SPRED2: variants seen among roughly 807,000 people sequenced by gnomAD.
The protein encoded by SPRED2 is sprouty related EVH1 domain containing 2.
SPRED2 carries 47 observed loss-of-function variants against 43.0 expected under a neutral mutation model. The ratio of observed to expected loss-of-function variants is 1.09; its 90% CI spans 0.87 to 1.40. The LOEUF (loss-of-function observed/expected upper bound fraction) is 1.40, where lower values mean the gene tolerates loss of function less well. Ranked by LOEUF, SPRED2 falls within the 40% of genes most tolerant of loss-of-function variation. The probability of loss-of-function intolerance (pLI) is 0.00; values close to 1 mark genes in which losing one functional copy is unlikely to be tolerated. For synonymous variants in SPRED2, 225 were observed against 225.7 expected, an observed-to-expected ratio of 1.00 and a Z score of 0.03; for missense variants, 561 against 586.4, an observed-to-expected ratio of 0.96 and a Z score of 0.45.
At chr2:65,318,018 C>G (rs577021934) in intron 4 of SPRED2, among the ~76,000 whole-genome samples, 2 of 152,198 alleles carry the variant, frequency 1.3e-5, no homozygotes, top group African/African-American at 4.8e-5. Flanking sequence ...TGTCCCCAAC[C>G]AAAACTCATC....
At chr2:65,413,305 G>A (rs181690578) in intron 1 of SPRED2, among the ~76,000 whole-genome samples, 167 of 152,212 alleles carry the variant, frequency 1.1e-3, no homozygotes, top group Non-Finnish European at 8.5e-4. Context: ...TTACCCTGAC[G>A]GTGGCCTCAA....
At chr2:65,428,904 C>T (rs917477000) in intron 1 of SPRED2, among the ~76,000 whole-genome samples, 9 of 152,146 alleles carry the variant, frequency 5.9e-5, no homozygotes, top group South Asian at 2.1e-4. Context: ...GCACAGAGGA[C>T]GACTTACAAT....
intron 1 of SPRED2, among the ~76,000 whole-genome samples, chr2:65,371,863 T>C (rs752450634): frequency 6.6e-6 from 1 of 151,658 alleles, no homozygotes; most frequent in African/African-American, 2.4e-5. Flanking sequence ...ATCATTTGAG[T>C]TCAGGAGTTT....
At chr2:65,342,147 A>ATATGTATATTTTATATACATATAT (rs1674202120) in intron 2 of SPRED2, among the ~76,000 whole-genome samples, 1 of 149,028 alleles carries the variant, frequency 6.7e-6, no homozygotes, top group Non-Finnish European at 1.5e-5. Context: ...ATAAGATTTT[A>ATATGTATATTTTATATACATATAT]TATGTATATT....
At chr2:65,324,469 A>C (rs1363454207) in intron 4 of SPRED2, among the ~76,000 whole-genome samples, 12 of 152,108 alleles carry the variant, frequency 7.9e-5, no homozygotes. Flanking sequence ...GAGAAACGAG[A>C]CTAACAGGGC....
chr2:65,428,251 ATAGG>A (rs1038332067), intron 1 of SPRED2, among the ~76,000 whole-genome samples: 22 of 152,220 alleles, frequency 1.4e-4, no homozygotes, highest in African/African-American at 5.3e-4. Flanking sequence ...GCTCCACAAA[ATAGG>A]TAGTGTCTAT....
At chr2:65,368,969 G>GA (rs988497448) in intron 1 of SPRED2, among the ~76,000 whole-genome samples, 20 of 152,124 alleles carry the variant, frequency 1.3e-4, no homozygotes, top group African/African-American at 3.6e-4. Context: ...CAGCTACACA[G>GA]AAAGCTGAGG....
rs545667776 is a variant in SPRED2, at chr2:65,317,466, C to A, written c.439-583G>T. Reference sequence around the variant, plus strand: ...AAGCGGAGGCTGCAGTGAGCCAAGACTGAGCCACTGTACTCCAGCCTGGGT... The same window carrying A: ...AAGCGGAGGCTGCAGTGAGCCAAGAATGAGCCACTGTACTCCAGCCTGGGT... On this transcript the variant is annotated intron_variant, in intron 4 of 5. Transcript: ENST00000356388. Among the ~76,000 whole-genome samples the A allele has an allele frequency of 2.6e-5, 4 of 152,106 alleles. No individual in the cohort carries two copies. In the East Asian group the frequency reaches 7.7e-4, roughly 29 times the overall value.
At chr2:65,350,419 C>G (rs1674474422) in intron 1 of SPRED2, among the ~76,000 whole-genome samples, 2 of 152,182 alleles carry the variant, frequency 1.3e-5, no homozygotes, top group South Asian at 4.1e-4. Flanking sequence ...CAAACCCCAA[C>G]TGAATGGAGC....
At chr2:65,322,281 T>G (rs1673447750) in intron 4 of SPRED2, among the ~76,000 whole-genome samples, 1 of 103,854 alleles carries the variant, frequency 9.6e-6, no homozygotes, top group African/African-American at 4.4e-5. Context: ...TATATATATA[T>G]ATATATATAT....
chr2:65,342,097 T>G (rs974226107), intron 2 of SPRED2, among the ~76,000 whole-genome samples: 1 of 150,982 alleles, frequency 6.6e-6, no homozygotes, highest in East Asian at 1.9e-4. Flanking sequence ...CAGTTATAAC[T>G]GTTTAACAAA....
At chr2:65,314,236 CCCA>C (rs1434589597) in intron 5 of SPRED2, 67 bp from the exon 6 acceptor site, 2 of 1,430,200 alleles carry the variant, frequency 1.4e-6, no homozygotes, top group Non-Finnish European at 1.9e-6. Context: ...AAAAAAACAC[CCCA>C]CCTTCTCCCT....
chr2:65,365,498 C>G (rs192946963), intron 1 of SPRED2, among the ~76,000 whole-genome samples: 1 of 152,264 alleles, frequency 6.6e-6, no homozygotes, highest in African/African-American at 2.4e-5. Context: ...GGAAGAGAAA[C>G]AAAGATTGCC....
intron 1 of SPRED2, among the ~76,000 whole-genome samples, chr2:65,363,895 C>A (rs1382906912): frequency 6.6e-6 from 1 of 152,144 alleles, no homozygotes; most frequent in African/African-American, 2.4e-5. Context: ...TGCAAGCCAG[C>A]AAAGATTGGG....
intron 1 of SPRED2, among the ~76,000 whole-genome samples, chr2:65,346,999 A>C (rs1190262615): frequency 6.6e-6 from 1 of 151,980 alleles, no homozygotes; most frequent in Non-Finnish European, 1.5e-5. Context: ...CTTACAACCA[A>C]CTTTAGCCAT....
chr2:65,321,807 C>A (rs1282564327), intron 4 of SPRED2, among the ~76,000 whole-genome samples: 1 of 152,146 alleles, frequency 6.6e-6, no homozygotes, highest in Non-Finnish European at 1.5e-5. Context: ...GAGCCTTGAT[C>A]TGTCACCCAG....
intron 1 of SPRED2, among the ~76,000 whole-genome samples, chr2:65,410,684 G>A (rs1259119071): frequency 4.0e-5 from 6 of 151,572 alleles, no homozygotes; most frequent in South Asian, 2.1e-4. Context: ...GCGTGAACCC[G>A]CGAGGCGGAG....
At chr2:65,323,784 G>A (rs1339474907) in intron 4 of SPRED2, among the ~76,000 whole-genome samples, 1 of 152,104 alleles carries the variant, frequency 6.6e-6, no homozygotes, top group South Asian at 2.1e-4. Flanking sequence ...GCTGAGGCAG[G>A]AGAATGGCGT....
At chr2:65,326,717 T>A (rs1309146108) in intron 4 of SPRED2, among the ~76,000 whole-genome samples, 2 of 152,240 alleles carry the variant, frequency 1.3e-5, no homozygotes, top group African/African-American at 4.8e-5. Flanking sequence ...TAGCTCTGGC[T>A]GGTCTCAAAC....
Sources: allele counts gnomAD v4.1 joint callset (sites outside exome capture counted in the v4.1 genomes callset), GRCh38; gene constraint gnomAD v4.1.1; transcripts MANE v1.5; gene names NCBI Gene and HGNC (gene_info 2026-07-23, HGNC 2026-07-21).